Variants in EPHB1 observed in about 807,000 individuals in gnomAD.
EPHB1 encodes EPH receptor B1, also known as ephrin type-B receptor 1.
In EPHB1, 30 loss-of-function variants were observed where a neutral mutation model predicts 94.4. That is an observed-to-expected ratio of 0.32 (90% CI 0.24 to 0.43). The LOEUF (loss-of-function observed/expected upper bound fraction) is 0.43. Among genes scored for constraint, EPHB1 ranks in the 20% least tolerant of loss-of-function variants. EPHB1 has a pLI of 1.00. For missense variants in EPHB1, 1,055 were observed against 1,308.3 expected (o/e 0.81, Z 2.99); for synonymous variants, 522 against 489.1 (o/e 1.07, Z -0.89).
chr3:135,217,079 C>T (rs1290159301), intron 12 of EPHB1, among the ~76,000 whole-genome samples: 2 of 152,136 alleles, frequency 1.3e-5, no homozygotes, highest in Admixed American at 6.5e-5. Flanking sequence ...ATGCCAAAAC[C>T]TTAGCCTTAG....
At chr3:135,083,972 G>A (rs1218926358) in intron 3 of EPHB1, among the ~76,000 whole-genome samples, 1 of 152,126 alleles carries the variant, frequency 6.6e-6, no homozygotes, top group Admixed American at 6.6e-5. Context: ...GTTTGTGGTG[G>A]CAGGATGGTG....
chr3:134,888,794 A>G (rs945134492), intron 1 of EPHB1, among the ~76,000 whole-genome samples: 2 of 151,974 alleles, frequency 1.3e-5, no homozygotes, highest in Non-Finnish European at 2.9e-5. Context: ...TTACATATCC[A>G]TTAAATATTT....
At chr3:135,249,100 C>T (rs947184479) in intron 14 of EPHB1, among the ~76,000 whole-genome samples, 7 of 152,186 alleles carry the variant, frequency 4.6e-5, no homozygotes, top group Non-Finnish European at 1.5e-5. Flanking sequence ...GTCAACCTGT[C>T]TGTCTGGGTT....
chr3:135,038,399 A>C (rs1462423820), intron 3 of EPHB1, among the ~76,000 whole-genome samples: 1 of 152,130 alleles, frequency 6.6e-6, no homozygotes, highest in Non-Finnish European at 1.5e-5. Flanking sequence ...CCCTGAGTAA[A>C]CATGTAAGTC....
At chr3:135,135,358 AATT>A (rs1448631359) in intron 5 of EPHB1, among the ~76,000 whole-genome samples, 2 of 152,220 alleles carry the variant, frequency 1.3e-5, no homozygotes, top group African/African-American at 4.8e-5. Flanking sequence ...TGTAAATACA[AATT>A]ATTTTCAACC....
At chr3:135,217,464 A>ACACACG (rs1553749875) in intron 12 of EPHB1, among the ~76,000 whole-genome samples, 1 of 142,294 alleles carries the variant, frequency 7.0e-6, no homozygotes, top group Non-Finnish European at 1.5e-5. Context: ...ACACACACAC[A>ACACACG]CACGCACACG....
At chr3:134,935,155 G>A (rs2038977735) in intron 2 of EPHB1, among the ~76,000 whole-genome samples, 1 of 152,208 alleles carries the variant, frequency 6.6e-6, no homozygotes, top group African/African-American at 2.4e-5. Flanking sequence ...CAAAGGCACT[G>A]GGATGGAGCT....
rs72982141 is a variant in EPHB1, at chr3:134,806,729, C to G, written c.58+11040C>G. Among the ~76,000 whole-genome samples, 1,454 of 152,234 alleles carry G rather than the reference C, an allele frequency of 9.6e-3. 17 individuals are homozygous for G. Among genetic ancestry groups the G allele is most frequent in the African/African-American group, 0.032 (1,329 of 41,532 alleles). On this transcript the variant is annotated intron_variant, in intron 1 of 15. Coordinates refer to ENST00000398015, the MANE Select transcript of EPHB1 (RefSeq NM_004441.5). ...ACCTCATTCATTCAACACTTAATAA[C>G]AAATATTGTTAATCTCCTACTATGT...
At chr3:135,121,054 G>A (rs1303989715) in intron 4 of EPHB1, among the ~76,000 whole-genome samples, 2 of 152,204 alleles carry the variant, frequency 1.3e-5, no homozygotes, top group Non-Finnish European at 2.9e-5. Context: ...TTGTCTTCTT[G>A]TAAAAGAAAC....
intron 3 of EPHB1, 151 bp from the exon 4 acceptor site, chr3:135,106,297 T>G (rs1939215910): frequency 2.5e-6 from 2 of 784,982 alleles, no homozygotes; most frequent in Non-Finnish European, 4.0e-6. Flanking sequence ...AAGTGTTAAA[T>G]ATGGGTTTCC....
At chr3:135,024,130 C>T (rs1344372369) in intron 3 of EPHB1, among the ~76,000 whole-genome samples, 2 of 152,176 alleles carry the variant, frequency 1.3e-5, no homozygotes, top group Non-Finnish European at 2.9e-5. Context: ...GCTGAGCTAT[C>T]AGCTTACAGT....
intron 2 of EPHB1, among the ~76,000 whole-genome samples, chr3:134,944,592 T>C (rs2039181468): frequency 6.6e-6 from 1 of 152,190 alleles, no homozygotes; most frequent in Admixed American, 6.5e-5. Flanking sequence ...CAATTAATGG[T>C]TTCTCTTTCC....
At chr3:134,998,467 A>G (rs1454057659) in intron 3 of EPHB1, among the ~76,000 whole-genome samples, 1 of 152,212 alleles carries the variant, frequency 6.6e-6, no homozygotes, top group Non-Finnish European at 1.5e-5. Context: ...TCTCTGTTTT[A>G]GGCAGTAGAG....
At chr3:135,069,618 T>C (rs1489738909) in intron 3 of EPHB1, among the ~76,000 whole-genome samples, 3 of 152,164 alleles carry the variant, frequency 2.0e-5, no homozygotes, top group Admixed American at 2.0e-4. Flanking sequence ...AGGCCTGGCA[T>C]GCTCACCTAT....
At chr3:135,044,437 C>G (rs1380018622) in intron 3 of EPHB1, among the ~76,000 whole-genome samples, 1 of 152,174 alleles carries the variant, frequency 6.6e-6, no homozygotes, top group Non-Finnish European at 1.5e-5. Context: ...CTTTGCAGCA[C>G]ATTGTGTGCT....
intron 3 of EPHB1, among the ~76,000 whole-genome samples, chr3:135,070,177 C>A (rs1228771759): frequency 6.6e-6 from 1 of 152,194 alleles, no homozygotes; most frequent in African/African-American, 2.4e-5. Flanking sequence ...TCCACGTTAT[C>A]CAACCTGATA....
At chr3:135,227,833 CT>C (rs1943436477) in intron 12 of EPHB1, among the ~76,000 whole-genome samples, 1 of 152,170 alleles carries the variant, frequency 6.6e-6, no homozygotes, top group Non-Finnish European at 1.5e-5. Flanking sequence ...TCTTTACCTA[CT>C]GTTATCATTT....
intron 1 of EPHB1, among the ~76,000 whole-genome samples, chr3:134,893,890 C>T (rs1216184587): frequency 6.6e-6 from 1 of 152,344 alleles, no homozygotes; most frequent in South Asian, 2.1e-4. Flanking sequence ...GAGTGCCTCA[C>T]AGAGCAGGTG....
At chr3:135,220,015 A>G (rs1354297994) in intron 12 of EPHB1, among the ~76,000 whole-genome samples, 1 of 151,142 alleles carries the variant, frequency 6.6e-6, no homozygotes, top group African/African-American at 2.4e-5. Context: ...CAGCTCTCCA[A>G]GAGTACACAG....
Sources: allele counts gnomAD v4.1 joint callset (sites outside exome capture counted in the v4.1 genomes callset), GRCh38; gene constraint gnomAD v4.1.1; transcripts MANE v1.5; gene names NCBI Gene and HGNC (gene_info 2026-07-23, HGNC 2026-07-21).